Variants in LARGE1 observed in about 807,000 individuals in gnomAD.
LARGE1 encodes the protein xylosyl- and glucuronyltransferase LARGE1.
In LARGE1, 43 loss-of-function variants were observed where a neutral mutation model predicts 87.6. That is an observed-to-expected ratio of 0.49 (90% confidence interval 0.38 to 0.63). LARGE1 has a LOEUF of 0.63. Among genes scored for constraint, LARGE1 ranks in the 30% least tolerant of loss-of-function variants. The pLI, the probability that LARGE1 is intolerant of heterozygous loss-of-function variation, is 0.00. For synonymous variants in LARGE1, 434 were observed against 394.6 expected, an observed-to-expected ratio of 1.10 and a Z score of -1.18; for missense variants, 802 against 1,000.2, an observed-to-expected ratio of 0.80 and a Z score of 2.67.
intron 1 of LARGE1, among the ~76,000 whole-genome samples, chr22:33,781,044 T>C (rs1426401140): frequency 6.6e-6 from 1 of 152,236 alleles, no homozygotes; most frequent in Non-Finnish European, 1.5e-5. Flanking sequence ...TATCACCCAA[T>C]TCATAACCTT....
intron 1 of LARGE1, among the ~76,000 whole-genome samples, chr22:33,877,986 T>C (rs2064521786): frequency 6.6e-6 from 1 of 151,716 alleles, no homozygotes; most frequent in African/African-American, 2.4e-5. Flanking sequence ...ATAAAGAATG[T>C]AACATTTGAA....
At chr22:33,445,339 A>G (rs1444970703) in intron 6 of LARGE1, among the ~76,000 whole-genome samples, 3 of 152,194 alleles carry the variant, frequency 2.0e-5, no homozygotes, top group African/African-American at 2.4e-5. Context: ...CACACCAACA[A>G]TTGTGGAACT....
At chr22:33,726,851 A>C (rs2083285642) in intron 2 of LARGE1, among the ~76,000 whole-genome samples, 1 of 152,154 alleles carries the variant, frequency 6.6e-6, no homozygotes, top group South Asian at 2.1e-4. Context: ...CACTCGGATC[A>C]TGCCTCCCAG....
intron 11 of LARGE1, among the ~76,000 whole-genome samples, chr22:33,171,224 A>G (rs1469193505): frequency 6.6e-6 from 1 of 152,188 alleles, no homozygotes; most frequent in Non-Finnish European, 1.5e-5. Context: ...ATTCAGTCAT[A>G]TGGGTTCACG....
At chr22:33,644,361 C>T (rs1158161960) in intron 3 of LARGE1, among the ~76,000 whole-genome samples, 1 of 152,080 alleles carries the variant, frequency 6.6e-6, no homozygotes, top group Non-Finnish European at 1.5e-5. Context: ...AAATTCAACA[C>T]CTCTTCATGC....
In LARGE1 at chr22:33,363,784, G is replaced by A. The variant is rs563251415; in HGVS notation, c.1131+18135C>T. On this transcript the variant is annotated intron_variant, in intron 9 of 14. Transcript: ENST00000397394. ...AGCCATGACGAAGTAAAATTAGGGC[G>A]ACTTGAACACAAGCATTGCGATCCC... 2.3e-4 allele frequency among the ~76,000 whole-genome samples: 35 copies of A among 149,960 alleles called. 3 individuals are homozygous for A. Among genetic ancestry groups the A allele is most frequent in the African/African-American group, 7.8e-4 (32 of 40,894 alleles).
the LARGE1 span, among the ~76,000 whole-genome samples, chr22:33,114,166 G>A: frequency 5.9e-5 from 9 of 151,944 alleles, no homozygotes; most frequent in African/African-American, 1.5e-4. Flanking sequence ...GTGAGCCACC[G>A]CGCCCGGCCG....
At chr22:33,699,141 T>G (rs1569383669) in intron 2 of LARGE1, among the ~76,000 whole-genome samples, 1 of 152,216 alleles carries the variant, frequency 6.6e-6, no homozygotes, top group Non-Finnish European at 1.5e-5. Context: ...AAACATCTGC[T>G]CGGCAAGTAG....
chr22:33,409,360 T>C (rs2066224128), intron 7 of LARGE1, among the ~76,000 whole-genome samples: 1 of 152,070 alleles, frequency 6.6e-6, no homozygotes, highest in Non-Finnish European at 1.5e-5. Flanking sequence ...AAGCATAGTA[T>C]AGCAGGTCAG....
At chr22:33,107,891 T>C in the LARGE1 span, among the ~76,000 whole-genome samples, 651 of 152,028 alleles carry the variant, frequency 4.3e-3, 3 homozygotes, top group African/African-American at 0.014. Context: ...CTTTATTTAA[T>C]TTTATGATTT....
At chr22:33,214,021 C>G (rs1358777647) in intron 11 of LARGE1, among the ~76,000 whole-genome samples, 1 of 152,096 alleles carries the variant, frequency 6.6e-6, no homozygotes, top group Non-Finnish European at 1.5e-5. Flanking sequence ...GTAGAGACAG[C>G]GTTTCACCGT....
chr22:33,348,528 T>C (rs142152014), intron 9 of LARGE1, among the ~76,000 whole-genome samples: 1,839 of 152,276 alleles, frequency 0.012, 20 homozygotes, highest in South Asian at 0.037. Flanking sequence ...GACTGGATCA[T>C]GGTGTGCCCT....
intron 4 of LARGE1, among the ~76,000 whole-genome samples, chr22:33,605,322 T>C (rs1392657102): frequency 6.6e-6 from 1 of 152,124 alleles, no homozygotes; most frequent in African/African-American, 2.4e-5. Context: ...GGAGCTGAGA[T>C]GTCTGATGTT....
chr22:33,239,692 C>T (rs1211883945), intron 11 of LARGE1, among the ~76,000 whole-genome samples: 1 of 151,854 alleles, frequency 6.6e-6, no homozygotes, highest in African/African-American at 2.4e-5. Flanking sequence ...GTGCATGACA[C>T]CGCACCTGGC....
chr22:33,810,973 C>T (rs938156855), intron 1 of LARGE1, among the ~76,000 whole-genome samples: 4 of 152,150 alleles, frequency 2.6e-5, no homozygotes, highest in African/African-American at 7.2e-5. Context: ...CTACCCGCCT[C>T]GGCTTCCCAA....
At position 33,225,613 on chromosome 22, in the gene LARGE1, T is replaced by C. The variant is rs981954439; in HGVS notation, c.1731-58781A>G. Among the ~76,000 whole-genome samples the C allele has an allele frequency of 7.9e-5, 12 of 152,290 alleles. No individual in the cohort carries two copies. In the South Asian group the frequency reaches 2.5e-3, roughly 32 times the overall value. On this transcript the variant is annotated intron_variant, in intron 11 of 11. Transcript: ENST00000608642. ...TTCAGGGGTACATGTGCAGGTTTGT[T>C]ATACAGGTAAACTTGTGTCATGGGG...
chr22:33,483,091 G>A (rs2148217948), intron 6 of LARGE1, among the ~76,000 whole-genome samples: 1 of 152,248 alleles, frequency 6.6e-6, no homozygotes, highest in Non-Finnish European at 1.5e-5. Context: ...TACTATTATC[G>A]TTTTCTTCCA....
intron 1 of LARGE1, among the ~76,000 whole-genome samples, chr22:33,900,323 AACACACAG>A (rs2146892461): frequency 6.6e-6 from 1 of 152,258 alleles, no homozygotes; most frequent in East Asian, 1.9e-4. Flanking sequence ...GTTTCCACCA[AACACACAG>A]CTCAGGTACA....
chr22:33,400,480 C>T (rs922700946), intron 7 of LARGE1, among the ~76,000 whole-genome samples: 3 of 152,204 alleles, frequency 2.0e-5, no homozygotes, highest in African/African-American at 7.2e-5. Context: ...GTCAGATCTG[C>T]TGGCCAGTTT....
Sources: gnomAD v4.1 joint callset for allele counts (sites outside exome capture counted in the v4.1 genomes callset) on GRCh38, gnomAD v4.1.1 for gene constraint, MANE v1.5 for transcripts, NCBI Gene and HGNC (gene_info 2026-07-23, HGNC 2026-07-21) for gene names.